The following NAV3 variants were observed in gnomAD, a reference collection of about 807,000 sequenced individuals.
NAV3 encodes pore membrane and/or filament interacting like protein 1.
A neutral mutation model predicts 244.7 loss-of-function variants in NAV3; 87 were observed. The observed-to-expected ratio is 0.36, with a 90% CI of 0.30 to 0.42. NAV3 has a LOEUF of 0.42. NAV3 is among the 20% of genes least tolerant of loss of function. The probability of loss-of-function intolerance (pLI) is 1.00; values close to 1 mark genes in which losing one functional copy is unlikely to be tolerated. For synonymous variants in NAV3, 1,126 were observed against 1,042.2 expected, an observed-to-expected ratio of 1.08 and a Z score of -1.55; for missense variants, 2,663 against 2,893.3, an observed-to-expected ratio of 0.92 and a Z score of 1.83.
At chr12:77,845,160 T>C (rs1876401041) in intron 1 of NAV3, among the ~76,000 whole-genome samples, 1 of 152,152 alleles carries the variant, frequency 6.6e-6, no homozygotes, top group African/African-American at 2.4e-5. Flanking sequence ...ATTCAATAGC[T>C]CCTGGATCCA....
chr12:77,683,698 G>T (rs570424557), intron 2 of NAV3, among the ~76,000 whole-genome samples: 1 of 152,050 alleles, frequency 6.6e-6, no homozygotes, highest in East Asian at 1.9e-4. Flanking sequence ...TTACACAGTA[G>T]GTGTGCTTTT....
chr12:78,187,600 A>G (rs1370990236), intron 31 of NAV3, among the ~76,000 whole-genome samples: 1 of 151,932 alleles, frequency 6.6e-6, no homozygotes, highest in African/African-American at 2.4e-5. Context: ...TTATTATAAA[A>G]TAATTACTTG....
intron 5 of NAV3, among the ~76,000 whole-genome samples, chr12:77,986,588 A>C (rs1398696930): frequency 6.6e-6 from 1 of 152,064 alleles, no homozygotes; most frequent in East Asian, 1.9e-4. Flanking sequence ...ATGTTGAAGC[A>C]AATTTGATTC....
At chr12:78,095,389 T>G (rs1238642647) in intron 12 of NAV3, among the ~76,000 whole-genome samples, 1 of 152,006 alleles carries the variant, frequency 6.6e-6, no homozygotes. Context: ...ACAATTAAAG[T>G]GCAAACATAT....
intron 1 of NAV3, among the ~76,000 whole-genome samples, chr12:77,903,207 C>T (rs534023349): frequency 6.6e-6 from 1 of 152,206 alleles, no homozygotes; most frequent in Non-Finnish European, 1.5e-5. Context: ...GCCAAAAGAA[C>T]AAAGCTGGAG....
intron 22 of NAV3, among the ~76,000 whole-genome samples, chr12:78,150,890 G>T (rs1238055283): frequency 6.6e-6 from 1 of 151,774 alleles, no homozygotes; most frequent in Non-Finnish European, 1.5e-5. Context: ...ACCAACAAAG[G>T]GTGAAAACAG....
At chr12:78,169,259 A>G (rs1226326837) in intron 24 of NAV3, among the ~76,000 whole-genome samples, 1 of 151,740 alleles carries the variant, frequency 6.6e-6, no homozygotes, top group Non-Finnish European at 1.5e-5. Flanking sequence ...TAAAAATGAA[A>G]TAGTCAATAT....
intron 1 of NAV3, among the ~76,000 whole-genome samples, chr12:77,840,661 A>C (rs1217684190): frequency 1.3e-5 from 2 of 152,216 alleles, no homozygotes; most frequent in African/African-American, 4.8e-5. Context: ...GTAGTAGTTA[A>C]AATTAAGGAT....
At position 78,027,270 on chromosome 12, in the gene NAV3, T is replaced by TA. The variant is rs879393857; in HGVS notation, c.2023+5422dup. Among the ~76,000 whole-genome samples the TA allele has an allele frequency of 2.4e-3, 343 of 141,638 alleles. 1 individual carries two copies. The highest frequency in any genetic ancestry group is 3.9e-3 in the East Asian group (19 of 4,898). 92.9% of individuals were successfully genotyped at this position (141,638 alleles called of 152,430 possible). The stretch of plus-strand genomic sequence containing the variant: ...GGACAACATAGTGAGACCCTGTCTC[T>TA]AAAAAAAAAAAAAATTCAAATTGTT... On this transcript the variant is annotated intron_variant, in intron 9 of 39. Transcript: ENST00000397909.
rs558530071 is a variant in NAV3, at chr12:77,701,826, G to A, written c.72+129560G>A. On this transcript the variant is annotated intron_variant, in intron 2 of 8. Transcript: ENST00000550042. Reference sequence around the variant, plus strand: ...TTTCTAAAATTTCATTATTTTAGTGGTCAGAGAACATGTTTTGTAAGAGTT... The same window carrying A: ...TTTCTAAAATTTCATTATTTTAGTGATCAGAGAACATGTTTTGTAAGAGTT... Among the ~76,000 whole-genome samples, 112 of 151,822 alleles carry A rather than the reference G, an allele frequency of 7.4e-4. 1 individual carries two copies. The highest frequency in any genetic ancestry group is 2.6e-3 in the African/African-American group (107 of 41,454).
intron 9 of NAV3, chr12:78,037,303 G>A (rs1256735638): frequency 8.5e-6 from 6 of 702,854 alleles, no homozygotes; most frequent in Admixed American, 2.0e-5. Context: ...AGCTGTTTGC[G>A]GGAAGGGACA....
chr12:77,726,525 G>A (rs1436781336), intron 2 of NAV3, among the ~76,000 whole-genome samples: 1 of 151,818 alleles, frequency 6.6e-6, no homozygotes, highest in Non-Finnish European at 1.5e-5. Flanking sequence ...TTAAAATTCT[G>A]ATGTGGGCAT....
chr12:78,142,907 G>A (rs1956692298), intron 20 of NAV3, among the ~76,000 whole-genome samples: 1 of 151,838 alleles, frequency 6.6e-6, no homozygotes, highest in Non-Finnish European at 1.5e-5. Flanking sequence ...GTAAACTGTA[G>A]TAAAATAATT....
At chr12:77,638,980 G>A (rs532825352) in intron 2 of NAV3, among the ~76,000 whole-genome samples, 2 of 152,188 alleles carry the variant, frequency 1.3e-5, no homozygotes, top group South Asian at 4.1e-4. Flanking sequence ...CATGGTCAAG[G>A]TTCTATTTAA....
chr12:78,112,119 T>C (rs1566147884), intron 12 of NAV3, among the ~76,000 whole-genome samples: 7 of 152,282 alleles, frequency 4.6e-5, no homozygotes, highest in African/African-American at 1.4e-4. Context: ...CTGACACCTC[T>C]GACACTTGAA....
chr12:77,573,953 A>C (rs979601270), intron 2 of NAV3, among the ~76,000 whole-genome samples: 1 of 152,144 alleles, frequency 6.6e-6, no homozygotes, highest in African/African-American at 2.4e-5. Context: ...AACTGTAAAC[A>C]ATGGTTTGTA....
intron 13 of NAV3, 121 bp downstream of exon 13, chr12:78,117,025 T>G: frequency 8.4e-7 from 1 of 1,189,030 alleles, no homozygotes; most frequent in Non-Finnish European, 1.2e-6. Flanking sequence ...AACTGGAAAA[T>G]GCAGAGATAA....
In NAV3 at chr12:77,759,793, C is replaced by T. The variant is rs539344541; in HGVS notation, c.73-180526C>T. 5.9e-4 allele frequency among the ~76,000 whole-genome samples: 90 copies of T among 152,142 alleles called. 1 individual carries two copies. The highest frequency in any genetic ancestry group is 2.2e-3 in the African/African-American group (90 of 41,488). The stretch of plus-strand genomic sequence containing the variant: ...TTTTTAACATTTCTGGATCATATTC[C>T]AGTTTGATTCCAAAAGAACTAATGA... On this transcript the variant is annotated intron_variant, in intron 2 of 8. Transcript: ENST00000550042.
chr12:78,189,560 C>T (rs992378289), intron 33 of NAV3, among the ~76,000 whole-genome samples: 1 of 134,980 alleles, frequency 7.4e-6, no homozygotes, highest in Non-Finnish European at 1.7e-5. Flanking sequence ...ACACACACAC[C>T]CATATATATA....
Sources: gnomAD v4.1 joint callset for allele counts (sites outside exome capture counted in the v4.1 genomes callset) on GRCh38, gnomAD v4.1.1 for gene constraint, MANE v1.5 for transcripts, NCBI Gene and HGNC (gene_info 2026-07-23, HGNC 2026-07-21) for gene names.